SPOCK3: variants seen among roughly 807,000 people sequenced by gnomAD.
SPOCK3 encodes SPARC (osteonectin), cwcv and kazal like domains proteoglycan 3.
SPOCK3 carries 30 observed loss-of-function variants against 56.6 expected under a neutral mutation model. The ratio of observed to expected loss-of-function variants is 0.53; its 90% CI spans 0.40 to 0.72. The LOEUF (loss-of-function observed/expected upper bound fraction) is 0.72, where lower values mean the gene tolerates loss of function less well. SPOCK3 is among the 30% of genes least tolerant of loss of function. SPOCK3 has a pLI of 0.00. For synonymous variants in SPOCK3, 196 were observed against 183.3 expected (o/e 1.07, Z -0.56); for missense variants, 527 against 530.0 (o/e 0.99, Z 0.06).
intron 6 of SPOCK3, among the ~76,000 whole-genome samples, chr4:166,863,414 A>G (rs1413912725): frequency 6.6e-6 from 1 of 152,182 alleles, no homozygotes; most frequent in Non-Finnish European, 1.5e-5. Context: ...TCATGATGAT[A>G]GGATCAAATT....
chr4:166,864,714 C>T (rs1213280425), intron 6 of SPOCK3, among the ~76,000 whole-genome samples: 1 of 152,048 alleles, frequency 6.6e-6, no homozygotes, highest in East Asian at 1.9e-4. Flanking sequence ...CACATACAAC[C>T]TCCCAAGACT....
In SPOCK3 at chr4:166,889,153, C is replaced by T; in HGVS notation, c.566G>A (p.Ser189Asn). The part of the protein sequence containing the change: ...HCPCPSDKPT[S>N]TSRNVKRACS... ...ACCTCTCTTAACATTTCTGCTTGTACTGGTGGGCTTATCTGAAGGACATGG... is the reference window on the plus strand; with the variant it reads ...ACCTCTCTTAACATTTCTGCTTGTATTGGTGGGCTTATCTGAAGGACATGG... The change falls in exon 6 of 11, where the codon AGT (serine) becomes AAT (asparagine). Residue 189 changes from serine (S) to asparagine (N), a missense_variant. Ser to Asn is a conservative substitution (Grantham distance 46). Coordinates refer to ENST00000357545, the MANE Select transcript of SPOCK3 (RefSeq NM_001040159.2). The T allele has an allele frequency of 6.2e-7, 1 of 1,608,770 alleles. No individual in the cohort carries two copies. Among genetic ancestry groups the T allele is most frequent in the Non-Finnish European group, 8.5e-7 (1 of 1,175,930 alleles).
At chr4:166,955,813 C>T (rs1743394151) in intron 4 of SPOCK3, among the ~76,000 whole-genome samples, 1 of 151,604 alleles carries the variant, frequency 6.6e-6, no homozygotes, top group Non-Finnish European at 1.5e-5. Flanking sequence ...TTTTATTTTT[C>T]CCTCTTAGGT....
chr4:166,810,793 G>A (rs532503888), intron 6 of SPOCK3, among the ~76,000 whole-genome samples: 59 of 151,772 alleles, frequency 3.9e-4, no homozygotes, highest in African/African-American at 1.1e-3. Flanking sequence ...AAATAACATT[G>A]AGCATATAAA....
At chr4:166,850,997 G>T (rs868406548) in intron 6 of SPOCK3, among the ~76,000 whole-genome samples, 33 of 152,318 alleles carry the variant, frequency 2.2e-4, no homozygotes, top group African/African-American at 6.5e-4. Flanking sequence ...GCCTCTGTAG[G>T]CTCCACCTCT....
intron 7 of SPOCK3, among the ~76,000 whole-genome samples, chr4:166,765,947 C>CA (rs1328780163): frequency 6.6e-6 from 1 of 152,004 alleles, no homozygotes; most frequent in Non-Finnish European, 1.5e-5. Context: ...CTCTTTGAAG[C>CA]AATTATGAAT....
intron 6 of SPOCK3, among the ~76,000 whole-genome samples, chr4:166,840,616 C>A (rs1747134294): frequency 6.6e-6 from 1 of 151,958 alleles, no homozygotes; most frequent in Non-Finnish European, 1.5e-5. Flanking sequence ...AGGGAACTCA[C>A]CTATTCCTTG....
intron 6 of SPOCK3, among the ~76,000 whole-genome samples, chr4:166,861,449 C>A (rs1160941331): frequency 1.3e-5 from 2 of 152,102 alleles, no homozygotes; most frequent in Non-Finnish European, 1.5e-5. Context: ...TATTGAATTC[C>A]ACTTCAAAAT....
intron 6 of SPOCK3, among the ~76,000 whole-genome samples, chr4:166,854,146 C>T (rs1380197344): frequency 1.3e-5 from 2 of 152,122 alleles, no homozygotes; most frequent in African/African-American, 2.4e-5. Context: ...TAAATAAACT[C>T]TCCCTCCCAA....
intron 3 of SPOCK3, among the ~76,000 whole-genome samples, chr4:167,060,528 T>C (rs1395533692): frequency 6.6e-6 from 1 of 152,096 alleles, no homozygotes; most frequent in African/African-American, 2.4e-5. Context: ...CTCAATCTAA[T>C]TTTTGTTCGA....
intron 2 of SPOCK3, among the ~76,000 whole-genome samples, chr4:167,123,213 T>C (rs1028715052): frequency 1.3e-5 from 2 of 152,084 alleles, no homozygotes; most frequent in African/African-American, 4.8e-5. Context: ...AATACAATGA[T>C]ACAAAGCAGC....
intron 2 of SPOCK3, among the ~76,000 whole-genome samples, chr4:167,135,384 C>G (rs1332220207): frequency 6.6e-6 from 1 of 152,112 alleles, no homozygotes; most frequent in African/African-American, 2.4e-5. Context: ...CCCAGTCTTA[C>G]CATTTTTAAT....
At chr4:166,745,418 C>G (rs1235137775) in intron 8 of SPOCK3, among the ~76,000 whole-genome samples, 1 of 152,102 alleles carries the variant, frequency 6.6e-6, no homozygotes, top group Non-Finnish European at 1.5e-5. Flanking sequence ...AAATAAAATC[C>G]TTTACAGACA....
At chr4:166,954,794 G>C (rs1041614211) in intron 4 of SPOCK3, among the ~76,000 whole-genome samples, 1 of 152,108 alleles carries the variant, frequency 6.6e-6, no homozygotes, top group African/African-American at 2.4e-5. Context: ...ATGATTCTTA[G>C]TGCCTATTGG....
chr4:167,065,779 G>A (rs1350783886), intron 2 of SPOCK3, among the ~76,000 whole-genome samples: 18 of 151,828 alleles, frequency 1.2e-4, no homozygotes, highest in Admixed American at 7.9e-4. Context: ...TCATTCAGGC[G>A]CAATTTCTTT....
chr4:166,918,497 T>A (rs1448997742), intron 4 of SPOCK3: 1 of 152,136 alleles, frequency 6.6e-6, no homozygotes, highest in Non-Finnish European at 1.5e-5. Context: ...TAGACTAAAA[T>A]ACTTTATAAA....
intron 6 of SPOCK3, among the ~76,000 whole-genome samples, chr4:166,825,082 A>C (rs915054670): frequency 6.6e-6 from 1 of 152,076 alleles, no homozygotes. Context: ...TATACTCATA[A>C]GAAATCTAAA....
At chr4:167,093,110 A>C (rs552762393) in intron 2 of SPOCK3, among the ~76,000 whole-genome samples, 1 of 152,126 alleles carries the variant, frequency 6.6e-6, no homozygotes, top group Admixed American at 6.5e-5. Context: ...TAATTCTTGC[A>C]ACTTGGAGAT....
intron 4 of SPOCK3, among the ~76,000 whole-genome samples, chr4:166,962,196 C>G (rs1226772580): frequency 6.6e-6 from 1 of 152,088 alleles, no homozygotes; most frequent in Non-Finnish European, 1.5e-5. Context: ...AGCTGATTAG[C>G]AACCTTAATT....
Sources: allele counts gnomAD v4.1 joint callset (sites outside exome capture counted in the v4.1 genomes callset), GRCh38; gene constraint gnomAD v4.1.1; transcripts MANE v1.5; gene names NCBI Gene and HGNC (gene_info 2026-07-23, HGNC 2026-07-21).